CACNA2D1: variants seen among roughly 807,000 people sequenced by gnomAD.
The protein encoded by CACNA2D1 is calcium voltage-gated channel auxiliary subunit alpha2delta 1.
In CACNA2D1, 53 loss-of-function variants were observed where a neutral mutation model predicts 171.5. The ratio of observed to expected loss-of-function variants is 0.31; its 90% CI spans 0.25 to 0.39. CACNA2D1 has a LOEUF of 0.39. Among genes scored for constraint, CACNA2D1 ranks in the 10% least tolerant of loss-of-function variants. The pLI is 1.00. For missense variants in CACNA2D1, 903 were observed against 1,299.8 expected (o/e 0.69, Z 4.69); for synonymous variants, 442 against 443.1 (o/e 1.00, Z 0.03).
At chr7:82,283,476 G>C (rs1810372790) in intron 3 of CACNA2D1, among the ~76,000 whole-genome samples, 1 of 152,252 alleles carries the variant, frequency 6.6e-6, no homozygotes, top group Non-Finnish European at 1.5e-5. Context: ...TAATCAAATA[G>C]CATAAATGTT....
intron 3 of CACNA2D1, among the ~76,000 whole-genome samples, chr7:82,226,969 A>G (rs561907134): frequency 6.6e-6 from 1 of 152,302 alleles, no homozygotes; most frequent in East Asian, 1.9e-4. Flanking sequence ...CTATTTGCAC[A>G]AGGACAAACA....
intron 6 of CACNA2D1, among the ~76,000 whole-genome samples, chr7:82,103,260 C>T (rs576756372): frequency 6.6e-6 from 1 of 152,202 alleles, no homozygotes; most frequent in South Asian, 2.1e-4. Context: ...TGAGCTACTG[C>T]ACTCCAGCCT....
intron 1 of CACNA2D1, among the ~76,000 whole-genome samples, chr7:82,432,879 C>A (rs1829814084): frequency 6.6e-6 from 1 of 152,046 alleles, no homozygotes; most frequent in Non-Finnish European, 1.5e-5. Context: ...CCACAAGCAC[C>A]ACACACTTAA....
At chr7:82,413,593 C>G (rs1827891732) in intron 1 of CACNA2D1, among the ~76,000 whole-genome samples, 1 of 152,172 alleles carries the variant, frequency 6.6e-6, no homozygotes, top group African/African-American at 2.4e-5. Flanking sequence ...TCCCAAACAG[C>G]TCCATTATAA....
intron 6 of CACNA2D1, among the ~76,000 whole-genome samples, chr7:82,105,398 C>CTTTTT (rs572031121): frequency 8.4e-4 from 84 of 99,450 alleles, no homozygotes; most frequent in South Asian, 4.4e-3. Context: ...CAGTTTTTGT[C>CTTTTT]TTTTTTTTTT....
intron 7 of CACNA2D1, among the ~76,000 whole-genome samples, chr7:82,078,029 T>C (rs3801760): frequency 0.39 from 58,942 of 151,902 alleles, 11,738 homozygotes; most frequent in Non-Finnish European, 0.43. Context: ...AAAAAAGTCA[T>C]TCCATATACT....
At chr7:82,282,191 C>T (rs1810198819) in intron 3 of CACNA2D1, among the ~76,000 whole-genome samples, 1 of 151,956 alleles carries the variant, frequency 6.6e-6, no homozygotes, top group Non-Finnish European at 1.5e-5. Flanking sequence ...CCAGCTACTT[C>T]GGAGGCTGAG....
At chr7:82,250,321 C>T (rs1248058493) in intron 3 of CACNA2D1, among the ~76,000 whole-genome samples, 1 of 152,178 alleles carries the variant, frequency 6.6e-6, no homozygotes, top group Non-Finnish European at 1.5e-5. Flanking sequence ...CTGCAATTCT[C>T]CTGCATTTTA....
At chr7:82,126,482 G>A (rs997645213) in intron 5 of CACNA2D1, among the ~76,000 whole-genome samples, 4 of 152,088 alleles carry the variant, frequency 2.6e-5, no homozygotes, top group African/African-American at 4.8e-5. Context: ...TCATTTGAAT[G>A]ATGTAGGCTC....
intron 1 of CACNA2D1, among the ~76,000 whole-genome samples, chr7:82,371,478 A>G (rs1287964790): frequency 6.6e-6 from 1 of 152,236 alleles, no homozygotes; most frequent in East Asian, 1.9e-4. Flanking sequence ...ATATTTACTA[A>G]GTTTCTGGGG....
chr7:82,311,796 G>T (rs888664886), intron 3 of CACNA2D1, among the ~76,000 whole-genome samples: 1 of 152,154 alleles, frequency 6.6e-6, no homozygotes, highest in African/African-American at 2.4e-5. Context: ...AATGTGACCA[G>T]TCTGCTTTGA....
chr7:82,246,920 C>T (rs116227582), intron 3 of CACNA2D1, among the ~76,000 whole-genome samples: 4,757 of 152,120 alleles, frequency 0.031, 238 homozygotes, highest in African/African-American at 0.11. Flanking sequence ...AAAGAAGACA[C>T]CCCATATCTA....
chr7:82,413,376 G>C (rs1827864213), intron 1 of CACNA2D1, among the ~76,000 whole-genome samples: 1 of 152,194 alleles, frequency 6.6e-6, no homozygotes, highest in Non-Finnish European at 1.5e-5. Flanking sequence ...TTTCAGGCCA[G>C]GGCTGTGAAG....
intron 6 of CACNA2D1, 100 bp from the exon 7 acceptor site, chr7:82,085,000 C>G: frequency 2.8e-6 from 3 of 1,058,946 alleles, no homozygotes; most frequent in Non-Finnish European, 4.2e-6. Flanking sequence ...GTTCATTGTT[C>G]TACCTATAAA....
At chr7:82,019,448 T>C (rs1800920690) in intron 12 of CACNA2D1, among the ~76,000 whole-genome samples, 2 of 152,244 alleles carry the variant, frequency 1.3e-5, no homozygotes, top group African/African-American at 4.8e-5. Context: ...ATTCCAATAA[T>C]TAAATTTGGT....
intron 7 of CACNA2D1, among the ~76,000 whole-genome samples, chr7:82,084,160 CCTTA>C (rs1174055544): frequency 6.6e-6 from 1 of 152,050 alleles, no homozygotes; most frequent in Non-Finnish European, 1.5e-5. Flanking sequence ...TACTATTTCT[CCTTA>C]CTCTTTTTAT....
At chr7:81,963,372 AG>A (rs1794365527) in intron 34 of CACNA2D1, among the ~76,000 whole-genome samples, 1 of 152,096 alleles carries the variant, frequency 6.6e-6, no homozygotes, top group Middle Eastern at 3.4e-3. Context: ...AAAGATTAGA[AG>A]GGAGAGAGGG....
At chr7:82,001,250 G>A (rs1449502231) in intron 18 of CACNA2D1, among the ~76,000 whole-genome samples, 1 of 151,938 alleles carries the variant, frequency 6.6e-6, no homozygotes, top group Non-Finnish European at 1.5e-5. Context: ...TAGAAATTTT[G>A]GCTTAAAATC....
chr7:82,294,899 A>C (rs896439863), intron 3 of CACNA2D1, among the ~76,000 whole-genome samples: 55 of 152,212 alleles, frequency 3.6e-4, no homozygotes, highest in African/African-American at 1.3e-3. Context: ...ATAAACATCT[A>C]CATGACAAAA....
Sources: gnomAD v4.1 joint callset for allele counts (sites outside exome capture counted in the v4.1 genomes callset) on GRCh38, gnomAD v4.1.1 for gene constraint, MANE v1.5 for transcripts, NCBI Gene and HGNC (gene_info 2026-07-23, HGNC 2026-07-21) for gene names.